CSMD3: variants seen among roughly 807,000 people sequenced by gnomAD.
The protein encoded by CSMD3 is CUB and Sushi multiple domains 3, also known as CUB and sushi domain-containing protein 3.
CSMD3 carries 177 observed loss-of-function variants against 435.2 expected under a neutral mutation model. The observed-to-expected ratio is 0.41, with a 90% CI of 0.36 to 0.46. CSMD3 has a LOEUF of 0.46. Among genes scored for constraint, CSMD3 ranks in the 20% least tolerant of loss-of-function variants. The probability of loss-of-function intolerance (pLI) is 0.34; values close to 1 mark genes in which losing one functional copy is unlikely to be tolerated. For missense variants in CSMD3, 4,265 were observed against 4,504.6 expected (o/e 0.95, Z 1.52); for synonymous variants, 1,656 against 1,520.5 (o/e 1.09, Z -2.07).
At chr8:112,590,789 T>C (rs1033051205) in intron 22 of CSMD3, among the ~76,000 whole-genome samples, 10 of 152,084 alleles carry the variant, frequency 6.6e-5, no homozygotes, top group African/African-American at 2.4e-4. Flanking sequence ...CAATGTTTTC[T>C]GGAGGTGAGG....
intron 32 of CSMD3, among the ~76,000 whole-genome samples, chr8:112,419,472 C>T (rs1054262924): frequency 1.3e-5 from 2 of 152,064 alleles, no homozygotes; most frequent in African/African-American, 2.4e-5. Context: ...CCCAATTATC[C>T]AGTAATTTGG....
rs191843275 is a variant in CSMD3, at chr8:112,335,844, C to T, written c.7020-370G>A. Among the ~76,000 whole-genome samples, 877 of 151,336 alleles carry T rather than the reference C, an allele frequency of 5.8e-3. 8 individuals are homozygous for T. Among genetic ancestry groups the T allele is most frequent in the Non-Finnish European group, 0.01 (694 of 67,862 alleles). ...TGAGAATCACAGACTGTTAAAGTTA[C>T]AACTCTTAGAACTCAGATAAATTAT... On this transcript the variant is annotated intron_variant, in intron 44 of 70. Coordinates refer to ENST00000297405, the MANE Select transcript of CSMD3 (RefSeq NM_198123.2).
chr8:113,117,782 G>A (rs770906521), intron 4 of CSMD3, among the ~76,000 whole-genome samples: 5 of 152,218 alleles, frequency 3.3e-5, no homozygotes, highest in Non-Finnish European at 5.9e-5. Context: ...GGGATCAAAG[G>A]AGATCATCCT....
In CSMD3 at chr8:113,225,705, T is replaced by G. The variant is rs79237588; in HGVS notation, c.515-51789A>C. ...TGGTATGAATGTCAGATGAGTAACA[T>G]ACAATTCAGGGGGAAAAAAGCTAGA... On this transcript the variant is annotated intron_variant, in intron 3 of 70. Transcript: ENST00000297405. 5.5e-3 allele frequency among the ~76,000 whole-genome samples: 835 copies of G among 151,636 alleles called. 4 individuals carry two copies. The highest frequency in any genetic ancestry group is 0.012 in the African/African-American group (510 of 41,474).
At chr8:112,855,878 T>C (rs1159771869) in intron 11 of CSMD3, among the ~76,000 whole-genome samples, 3 of 151,164 alleles carry the variant, frequency 2.0e-5, no homozygotes, top group Non-Finnish European at 4.4e-5. Flanking sequence ...TTTCCTATTC[T>C]AATTCTCCAG....
chr8:112,890,695 T>C (rs1026505159), intron 10 of CSMD3, among the ~76,000 whole-genome samples: 1 of 151,692 alleles, frequency 6.6e-6, no homozygotes, highest in Admixed American at 6.6e-5. Context: ...TATGCGACTT[T>C]CACTAATATG....
rs2130853347 is a variant in CSMD3 at position 112,492,584 on chromosome 8, T to C, written c.5183A>G (p.Asp1728Gly). 6.2e-7 allele frequency: 1 copy of C among 1,613,352 alleles called. No individual in the cohort carries two copies. The highest frequency in any genetic ancestry group is 8.5e-7 in the Non-Finnish European group (1 of 1,179,308). ...ATAACCTTGAAGAACATAACCAGCATCACAGTAATAGGTGACTGTTGACCC... is the reference window on the plus strand; with the variant it reads ...ATAACCTTGAAGAACATAACCAGCACCACAGTAATAGGTGACTGTTGACCC... ...KLGSTVTYYC[D>G]AGYVLQGYST... Residue 1728 changes from aspartate (D) to glycine (G), a missense_variant, in exon 31 of 71, where the codon GAT (aspartate) becomes GGT (glycine). Transcript: ENST00000297405.
chr8:112,656,451 T>A lies in CSMD3; in HGVS notation c.2817-110A>T, dbSNP rs887622754. ...TATTTAAAATTTTTCCATTTTATATTATAATTTTCTTTAGCTTATCTAATA... is the reference window on the plus strand; with the variant it reads ...TATTTAAAATTTTTCCATTTTATATAATAATTTTCTTTAGCTTATCTAATA... On this transcript the variant is annotated intron_variant, in intron 17 of 70. Transcript: ENST00000297405. 1.2e-5 allele frequency: 9 copies of A among 741,240 alleles called. No homozygotes were observed. In the Admixed American group the frequency reaches 1.6e-4, roughly 13 times the overall value. 45.9% of individuals were successfully genotyped at this position (741,240 alleles called of 1,614,324 possible).
At position 112,287,122 on chromosome 8, in the gene CSMD3, T is replaced by C. The variant is rs200592463; in HGVS notation, c.9273A>G (p.Ser3091=). 69 of 1,613,814 alleles carry C rather than the reference T, an allele frequency of 4.3e-5. 1 individual carries two copies. The East Asian group carries it at 1.5e-3, about 35-fold the overall frequency. Residue 3091 remains serine, a synonymous_variant, in exon 58 of 71, where the codon TCA becomes TCG. Transcript: ENST00000297405. ...CATTAGCTAAACATGTTCTTTCTTC[T>C]GAGCCATGAAGGATGTAACCAGTAT... The part of the protein sequence containing the change: ...ACDTGYILHG[S]EERTCLANGS...
chr8:112,317,412 C>CT (rs1300693299), intron 47 of CSMD3, among the ~76,000 whole-genome samples: 11 of 152,122 alleles, frequency 7.2e-5, no homozygotes, highest in African/African-American at 2.6e-4. Context: ...GACAGAAATG[C>CT]TGTTATGTAA....
chr8:112,829,895 A>T, intron 11 of CSMD3, 106 bp from the exon 12 acceptor site: 1 of 151,588 alleles, frequency 6.6e-6, no homozygotes, highest in South Asian at 8.5e-5. Context: ...GCACACACAC[A>T]CACACACACA....
chr8:112,550,926 A>T, intron 26 of CSMD3, 53 bp from the exon 27 acceptor site: 1 of 1,312,246 alleles, frequency 7.6e-7, no homozygotes, highest in Non-Finnish European at 1.1e-6. Context: ...TCAACTTTAA[A>T]GAAAAAATAG....
At chr8:112,339,343 G>C (rs1824876897) in intron 42 of CSMD3, among the ~76,000 whole-genome samples, 1 of 152,012 alleles carries the variant, frequency 6.6e-6, no homozygotes, top group Non-Finnish European at 1.5e-5. Context: ...TTTCAGATCA[G>C]ACTGATTGCG....
At chr8:113,293,594 A>G (rs2093700371) in intron 2 of CSMD3, among the ~76,000 whole-genome samples, 1 of 152,080 alleles carries the variant, frequency 6.6e-6, no homozygotes, top group South Asian at 2.1e-4. Context: ...TTTGTTTTGT[A>G]TTCTGGAAAG....
At chr8:113,087,565 C>A (rs1318903644) in intron 5 of CSMD3, among the ~76,000 whole-genome samples, 1 of 152,060 alleles carries the variant, frequency 6.6e-6, no homozygotes, top group Non-Finnish European at 1.5e-5. Context: ...ATATCTACAA[C>A]TATCTGATCT....
At chr8:112,985,227 G>A (rs1485424266) in intron 6 of CSMD3, among the ~76,000 whole-genome samples, 1 of 152,048 alleles carries the variant, frequency 6.6e-6, no homozygotes, top group African/African-American at 2.4e-5. Context: ...TAAAGGATGA[G>A]CAGATTTTCC....
At chr8:112,876,722 A>AT (rs2081292922) in intron 10 of CSMD3, among the ~76,000 whole-genome samples, 2 of 152,112 alleles carry the variant, frequency 1.3e-5, no homozygotes, top group Non-Finnish European at 2.9e-5. Context: ...CTCTCTCACT[A>AT]CTCGTATTCA....
chr8:112,518,119 G>C lies in CSMD3; in HGVS notation c.4565-894C>G, dbSNP rs181027098. Reference sequence around the variant, plus strand: ...TCATATATATGACTTGGATGAATTTGAAGGAAATTGTGCTAAGTGAAAACA... The same window carrying C: ...TCATATATATGACTTGGATGAATTTCAAGGAAATTGTGCTAAGTGAAAACA... On this transcript the variant is annotated intron_variant, in intron 27 of 70. Transcript: ENST00000297405. Among the ~76,000 whole-genome samples the C allele has an allele frequency of 3.6e-3, 544 of 152,252 alleles. 1 individual carries two copies. Among genetic ancestry groups the C allele is most frequent in the African/African-American group, 0.013 (521 of 41,556 alleles).
intron 1 of CSMD3, among the ~76,000 whole-genome samples, chr8:113,333,523 T>C (rs1360177099): frequency 6.6e-6 from 1 of 151,886 alleles, no homozygotes; most frequent in African/African-American, 2.4e-5. Context: ...CACTATTTAG[T>C]AAAAAATCTA....
Sources: allele counts gnomAD v4.1 joint callset (sites outside exome capture counted in the v4.1 genomes callset), GRCh38; gene constraint gnomAD v4.1.1; transcripts MANE v1.5; gene names NCBI Gene and HGNC (gene_info 2026-07-23, HGNC 2026-07-21).